The following DHX33 variants were observed in gnomAD, a reference collection of about 807,000 sequenced individuals.
DHX33 encodes the protein DEAH-box helicase 33.
Under a neutral mutation model 72.5 loss-of-function variants are expected in DHX33, and 42 were observed. The observed-to-expected ratio is 0.58, with a 90% confidence interval of 0.45 to 0.75. DHX33 has a LOEUF of 0.75. DHX33 is among the 30% of genes least tolerant of loss of function. DHX33 has a pLI of 0.00. For synonymous variants in DHX33, 358 were observed against 366.1 expected (o/e 0.98, Z 0.25); for missense variants, 842 against 917.5 (o/e 0.92, Z 1.06).
chr17:5,448,863 C>T lies in DHX33; in HGVS notation c.1761G>A (p.Lys587=). 6.2e-7 allele frequency: 1 copy of T among 1,613,502 alleles called. No individual in the cohort carries two copies. Among genetic ancestry groups the T allele is most frequent in the South Asian group, 1.1e-5 (1 of 90,978 alleles). ...DWCKENFVNS[K]NMTLVAEVRA... is the part of the protein sequence containing the mutation. ...TGACTTCTGCTACCAGCGTCATATT[C>T]TTGCTGTTGACAAAATTCTCTTTGC... is the stretch of plus-strand genomic sequence containing the variant. The change falls in exon 11 of 12, where the codon AAG becomes AAA. Residue 587 remains lysine, a synonymous_variant. Transcript: ENST00000225296.
chr17:5,441,326 T>A lies in DHX33; in HGVS notation c.*2879A>T, dbSNP rs1916428662. 1 of 152,200 alleles carries A rather than the reference T, an allele frequency of 6.6e-6. No homozygotes were observed. The highest frequency in any genetic ancestry group is 1.5e-5 in the Non-Finnish European group (1 of 68,032). The allele number at this position is 152,200 out of a possible 1,614,324, so 9.4% of individuals were successfully genotyped here. A position where few individuals can be genotyped will look rare whatever the true frequency, so the allele number is the denominator to read the frequency against. On this transcript the variant is annotated 3_prime_UTR_variant, in exon 12 of 12. Transcript: ENST00000225296. ...CTGCTGTTTGCAGTCCTGCCCCTTG[T>A]AGTGTTACTCTGGGTGTTGCACACT...
chr17:5,468,417 T>C (rs1222250472), intron 1 of DHX33, among the ~76,000 whole-genome samples, 154 bp downstream of exon 1: 1 of 152,250 alleles, frequency 6.6e-6, no homozygotes, highest in Non-Finnish European at 1.5e-5. Context: ...GCTGCCGGAC[T>C]CTTCTTCGAG....
chr17:5,465,948 GCCTTCC>G (rs2151693305), intron 1 of DHX33, among the ~76,000 whole-genome samples: 1 of 152,222 alleles, frequency 6.6e-6, no homozygotes, highest in East Asian at 1.9e-4. Context: ...CAGCCTCTTA[GCCTTCC>G]TCCTCTTCCA....
In DHX33 at chr17:5,450,819, G is replaced by A. The variant is rs764212827; in HGVS notation, c.1512C>T (p.Pro504=). 25 of 1,614,038 alleles carry A rather than the reference G, an allele frequency of 1.5e-5. No individual in the cohort carries two copies. The highest frequency in any genetic ancestry group is 2.7e-5 in the African/African-American group (2 of 74,924). ...GRKMAAFPLE[P]KFAKTILMSP... ...GGGTATCATTTACTTTGGCAAATTT[G>A]GGTTCTAAAGGAAATGCTGCCATCT... is the stretch of plus-strand genomic sequence containing the variant. The change falls in exon 9 of 12, where the codon CCC becomes CCT. Residue 504 remains proline, a synonymous_variant. Transcript: ENST00000225296.
intron 5 of DHX33, among the ~76,000 whole-genome samples, 198 bp downstream of exon 5, chr17:5,455,799 T>TG (rs1917163818): frequency 6.6e-6 from 1 of 152,224 alleles, no homozygotes; most frequent in Non-Finnish European, 1.5e-5. Context: ...TCCCAACAAC[T>TG]GTCTCCCTGC....
chr17:5,451,068 A>G, intron 8 of DHX33, 134 bp from the exon 9 acceptor site: 1 of 984,336 alleles, frequency 1.0e-6, no homozygotes, highest in Non-Finnish European at 1.5e-6. Context: ...TGCCCCCTTG[A>G]CACACTTGTC....
intron 3 of DHX33, chr17:5,461,435 C>T (rs1035724643): frequency 5.0e-5 from 8 of 159,084 alleles, no homozygotes; most frequent in East Asian, 1.8e-4. Context: ...CTGGCTAACA[C>T]GGTGAAACCC....
intron 4 of DHX33, among the ~76,000 whole-genome samples, chr17:5,456,517 GAC>G (rs2151688145): frequency 6.6e-6 from 1 of 152,230 alleles, no homozygotes; most frequent in South Asian, 2.1e-4. Flanking sequence ...CAGGGGTGGT[GAC>G]ACATGCCTAT....
Position 5,465,848 on chromosome 17 carries a change from A to G in DHX33, c.290-2159T>C, listed in dbSNP as rs369537710. Among the ~76,000 whole-genome samples the G allele has an allele frequency of 1.1e-4, 16 of 152,310 alleles. No homozygotes were observed. The East Asian group carries it at 2.7e-3, about 26-fold the overall frequency. ...AGCAGGGCTCCTGAACCTGTCTCAC[A>G]GAAGTGGGGTTCTAAAATGTGGTCT... On this transcript the variant is annotated intron_variant, in intron 1 of 11. Coordinates refer to ENST00000225296, the MANE Select transcript of DHX33 (RefSeq NM_020162.4).
chr17:5,460,515 T>G (rs1031157175), intron 4 of DHX33, among the ~76,000 whole-genome samples: 2 of 144,194 alleles, frequency 1.4e-5, no homozygotes, highest in Non-Finnish European at 3.0e-5. Flanking sequence ...TTTTTTTTTG[T>G]TTTTTTTTTC....
intron 8 of DHX33, 44 bp downstream of exon 8, chr17:5,453,536 T>C (rs755862884): frequency 2.0e-6 from 3 of 1,519,550 alleles, no homozygotes; most frequent in African/African-American, 1.4e-5. Context: ...TTGTTGTTGT[T>C]TGTCTCCTCA....
chr17:5,457,372 C>T (rs1331648111), intron 4 of DHX33, among the ~76,000 whole-genome samples: 2 of 151,424 alleles, frequency 1.3e-5, no homozygotes, highest in Non-Finnish European at 2.9e-5. Context: ...CCTGTAACCC[C>T]AGCACTTTGG....
chr17:5,460,638 C>G (rs907747366), intron 4 of DHX33, among the ~76,000 whole-genome samples: 20 of 151,994 alleles, frequency 1.3e-4, no homozygotes, highest in African/African-American at 4.8e-4. Flanking sequence ...TCCCGAGTAG[C>G]TGGGATTACA....
intron 1 of DHX33, among the ~76,000 whole-genome samples, chr17:5,468,368 G>A (rs1464727900): frequency 6.6e-6 from 1 of 152,208 alleles, no homozygotes; most frequent in Non-Finnish European, 1.5e-5. Flanking sequence ...TACACACGTT[G>A]GTCACTCTCA....
At chr17:5,458,613 A>C (rs1198619980) in intron 4 of DHX33, among the ~76,000 whole-genome samples, 3 of 152,098 alleles carry the variant, frequency 2.0e-5, no homozygotes, top group Non-Finnish European at 4.4e-5. Flanking sequence ...AACATGATAG[A>C]ACTGTCAAGA....
In DHX33 at chr17:5,443,941, A is replaced by C. The variant is rs2151680775; in HGVS notation, c.*264T>G. The C allele has an allele frequency of 2.4e-6, 1 of 424,534 alleles. No homozygotes were observed. The highest frequency in any genetic ancestry group is 3.9e-5 in the Admixed American group (1 of 25,548). 26.3% of individuals were successfully genotyped at this position (424,534 alleles called of 1,614,324 possible). A position where few individuals can be genotyped will look rare whatever the true frequency, so the allele number is the denominator to read the frequency against. ...TTACTCCCATTTGGCAGATGAGAAA[A>C]CTGAGGCTCAGGTGTTAAATTAAGT... is the stretch of plus-strand genomic sequence containing the variant. On this transcript the variant is annotated 3_prime_UTR_variant, in exon 12 of 12. Transcript: ENST00000225296.
chr17:5,444,657 G>T lies in DHX33; in HGVS notation c.1816-144C>A. 2 of 891,780 alleles carry T rather than the reference G, an allele frequency of 2.2e-6. No individual in the cohort carries two copies. Among genetic ancestry groups the T allele is most frequent in the Non-Finnish European group, 3.4e-6 (2 of 595,898 alleles). 55.2% of individuals were successfully genotyped at this position (891,780 alleles called of 1,614,324 possible). Reference sequence around the variant, plus strand: ...AACGATGTGGATTCTGACATTCGGAGGTGGTCACCAAGGATCAGCAAGGTC... The same window carrying T: ...AACGATGTGGATTCTGACATTCGGATGTGGTCACCAAGGATCAGCAAGGTC... On this transcript the variant is annotated intron_variant, in intron 11 of 11. Transcript: ENST00000225296. This position sits in a 1 kb window ranked among gnomAD's most constrained non-coding sequence, Gnocchi z 4.9.
chr17:5,459,910 G>GCGTTGGGATTACAGGTGT (rs1250702164), intron 4 of DHX33, among the ~76,000 whole-genome samples: 1 of 147,496 alleles, frequency 6.8e-6, no homozygotes, highest in Non-Finnish European at 1.5e-5. Context: ...GCCTCCCAAA[G>GCGTTGGGATTACAGGTGT]CGTTGGGATT....
chr17:5,447,579 G>A (rs1055306576), intron 11 of DHX33, among the ~76,000 whole-genome samples: 7 of 151,698 alleles, frequency 4.6e-5, no homozygotes, highest in Admixed American at 1.3e-4. Flanking sequence ...AGCCAAGATC[G>A]CGCCACTGCA....
Sources: allele counts gnomAD v4.1 joint callset (sites outside exome capture counted in the v4.1 genomes callset), GRCh38; gene constraint gnomAD v4.1.1; non-coding constraint Gnocchi (gnomAD v3.1); transcripts MANE v1.5; gene names NCBI Gene and HGNC (gene_info 2026-07-23, HGNC 2026-07-21).